HDAC7: variants seen among roughly 807,000 people sequenced by gnomAD.
HDAC7 encodes the protein histone deacetylase 7.
HDAC7 carries 26 observed loss-of-function variants against 115.5 expected under a neutral mutation model. That is an observed-to-expected ratio of 0.23 (90% CI 0.16 to 0.31). HDAC7 has a LOEUF of 0.31. Ranked by LOEUF, HDAC7 falls within the 10% of genes least tolerant of loss-of-function variation. The pLI is 1.00. For synonymous variants in HDAC7, 564 were observed against 550.9 expected, an observed-to-expected ratio of 1.02 and a Z score of -0.33; for missense variants, 1,068 against 1,329.0, an observed-to-expected ratio of 0.80 and a Z score of 3.05.
At position 47,783,691 on chromosome 12, in the gene HDAC7, T is replaced by TG; in HGVS notation, c.*149dup. 2 of 793,838 alleles carry TG rather than the reference T, an allele frequency of 2.5e-6. No individual in the cohort carries two copies. Among genetic ancestry groups the TG allele is most frequent in the East Asian group, 5.4e-5 (2 of 37,220 alleles). The allele number at this position is 793,838 out of a possible 1,614,324, so 49.2% of individuals were successfully genotyped here. On this transcript the variant is annotated 3_prime_UTR_variant, in exon 26 of 26. Transcript: ENST00000080059. ...GACCCAGGGATTTTCTCACGCTCCC[T>TG]GGGATAACTGTCAAAGCAGGCAGGC... is the stretch of plus-strand genomic sequence containing the variant.
chr12:47,786,578 C>T lies in HDAC7; in HGVS notation c.2572+7G>A. 1 of 1,598,916 alleles carries T rather than the reference C, an allele frequency of 6.3e-7. No homozygotes were observed. The highest frequency in any genetic ancestry group is 8.6e-7 in the Non-Finnish European group (1 of 1,166,360). ...CCTAACGTCCCCCTCAGCTGAGGCT[C>T]CCTTACATTTGGCAGAAACATGGTA... On this transcript the variant is annotated splice_region_variant and intron_variant, in intron 22 of 25. Coordinates refer to ENST00000080059, the MANE Select transcript of HDAC7 (RefSeq NM_015401.5).
intron 1 of HDAC7, among the ~76,000 whole-genome samples, chr12:47,802,736 C>G (rs1196469226): frequency 6.6e-6 from 1 of 151,962 alleles, no homozygotes; most frequent in Non-Finnish European, 1.5e-5. Context: ...GAGGAGCAGG[C>G]CTGGAGAGAG....
chr12:47,785,191 C>T (rs780317868), intron 24 of HDAC7, 196 bp downstream of exon 24: 109 of 580,966 alleles, frequency 1.9e-4, no homozygotes, highest in Middle Eastern at 9.1e-4. Flanking sequence ...CTGGCTCCAT[C>T]GGGGGGGCTC....
chr12:47,802,030 G>A (rs745607631), intron 2 of HDAC7, among the ~76,000 whole-genome samples, 194 bp downstream of exon 2: 9 of 152,268 alleles, frequency 5.9e-5, no homozygotes, highest in Admixed American at 1.3e-4. Context: ...TCCTAGCACT[G>A]TGCCCAGCCA....
rs908745686 is a variant in HDAC7 at position 47,791,375 on chromosome 12, G to A, written c.1934-67C>T. The A allele has an allele frequency of 2.6e-5, 39 of 1,472,300 alleles. No homozygotes were observed. In the African/African-American group the frequency reaches 2.8e-4, roughly 11 times the overall value. 91.2% of individuals were successfully genotyped at this position (1,472,300 alleles called of 1,614,324 possible). ...AGCCTTTGGCCCAACAGGGAGCAGG[G>A]AGCCCAGAGAGCAGGGCCGGGTGAG... On this transcript the variant is annotated intron_variant, in intron 15 of 25. Transcript: ENST00000080059.
At chr12:47,821,292 G>C (rs1945016751), upstream of HDAC7, among the ~76,000 whole-genome samples, 1 of 152,172 alleles carries the variant, frequency 6.6e-6, no homozygotes, top group Non-Finnish European at 1.5e-5. Context: ...CCTTCCCTCA[G>C]GCACAGCTCG....
intron 2 of HDAC7, among the ~76,000 whole-genome samples, chr12:47,801,604 G>A (rs1944167640): frequency 1.3e-5 from 2 of 152,206 alleles, no homozygotes; most frequent in Non-Finnish European, 2.9e-5. Context: ...TAGGCATCAG[G>A]CTGTATATCT....
intron 1 of HDAC7, among the ~76,000 whole-genome samples, chr12:47,814,080 G>A (rs1027110505): frequency 1.3e-5 from 2 of 152,204 alleles, no homozygotes; most frequent in African/African-American, 2.4e-5. Context: ...TGTAGAGCCC[G>A]TGTCTTGAAT....
chr12:47,801,381 C>T (rs1049850411), intron 2 of HDAC7, among the ~76,000 whole-genome samples: 1 of 152,250 alleles, frequency 6.6e-6, no homozygotes, highest in Non-Finnish European at 1.5e-5. Context: ...TACCCTGGCA[C>T]AGAGACAGAA....
At chr12:47,789,786 TG>T in intron 17 of HDAC7, 26 bp downstream of exon 17, 1 of 1,560,848 alleles carries the variant, frequency 6.4e-7, no homozygotes, top group South Asian at 1.1e-5. Context: ...CTTTGTGGTG[TG>T]TCCACCTTCA....
rs755857617 is a variant in HDAC7, at chr12:47,803,277, C to T, written c.20-1003G>A. On this transcript the variant is annotated intron_variant, in intron 1 of 25. Coordinates refer to ENST00000080059, the MANE Select transcript of HDAC7 (RefSeq NM_015401.5). The surrounding 1 kb of genome is among the most constrained non-coding windows in gnomAD (Gnocchi z 4.0). ...ACGGGGTACTGGGTGGACACAGAAG[C>T]GCTCTGCTGGCCAGACTTGGGGCAG... is the stretch of plus-strand genomic sequence containing the variant. Among the ~76,000 whole-genome samples, 5 of 152,198 alleles carry T rather than the reference C, an allele frequency of 3.3e-5. No homozygotes were observed. Among genetic ancestry groups the T allele is most frequent in the Non-Finnish European group, 7.3e-5 (5 of 68,038 alleles).
In HDAC7 at chr12:47,791,611, G is replaced by C; in HGVS notation, c.1908C>G (p.Leu636=). Residue 636 remains leucine (L), a synonymous_variant, in exon 15 of 26, where the codon CTC becomes CTG. Transcript: ENST00000080059. The part of the protein sequence containing the change: ...LLYGTNPLSR[L]KLDNGKLAGL... ...CTGCCAGCTTCCCGTTGTCCAGTTT[G>C]AGGCGGCTGAGCGGGTTGGTGCCGT... is the stretch of plus-strand genomic sequence containing the variant. 1 of 1,609,382 alleles carries C rather than the reference G, an allele frequency of 6.2e-7. No individual in the cohort carries two copies. Among genetic ancestry groups the C allele is most frequent in the Non-Finnish European group, 8.5e-7 (1 of 1,177,914 alleles).
chr12:47,806,426 C>T (rs981997671), intron 1 of HDAC7, among the ~76,000 whole-genome samples: 3 of 152,206 alleles, frequency 2.0e-5, no homozygotes, highest in Non-Finnish European at 2.9e-5. Context: ...CCTATAATCC[C>T]AGAACTTTGG....
upstream of HDAC7, among the ~76,000 whole-genome samples, chr12:47,820,300 A>G (rs556639157): frequency 1.0e-3 from 159 of 152,288 alleles, no homozygotes; most frequent in African/African-American, 3.3e-3. This position sits in a 1 kb window ranked among gnomAD's most constrained non-coding sequence, Gnocchi z 4.3. Context: ...GGGCAGAATC[A>G]TTTACACAGC....
intron 24 of HDAC7, 133 bp from the exon 25 acceptor site, chr12:47,784,350 G>T: frequency 1.1e-6 from 1 of 932,082 alleles, no homozygotes; most frequent in Non-Finnish European, 1.6e-6. Context: ...ACTTAGGGTC[G>T]GCTCTCCCAC....
At chr12:47,818,623 A>T (rs1474803375) in intron 1 of HDAC7, among the ~76,000 whole-genome samples, 3 of 152,250 alleles carry the variant, frequency 2.0e-5, no homozygotes, top group African/African-American at 7.2e-5. Context: ...TCCAGGGAAC[A>T]GGCTGAGAAG....
intron 1 of HDAC7, among the ~76,000 whole-genome samples, chr12:47,804,400 G>A (rs369587792): frequency 5.9e-4 from 89 of 152,096 alleles, no homozygotes; most frequent in African/African-American, 1.9e-3. Context: ...CTGGCACCCC[G>A]TCAGTAGCTG....
chr12:47,801,246 G>A lies in HDAC7; in HGVS notation c.70+978C>T, dbSNP rs532489439. Among the ~76,000 whole-genome samples, 5 of 152,316 alleles carry A rather than the reference G, an allele frequency of 3.3e-5. No homozygotes were observed. In the East Asian group the frequency reaches 7.7e-4, roughly 24 times the overall value. On this transcript the variant is annotated intron_variant, in intron 2 of 25. Transcript: ENST00000080059. ...TGTCTGAGTTAAGCTCCATAGGGCA[G>A]GGAGTTGGTTTCATGCTTTGTTTAT...
chr12:47,801,763 G>A (rs1464541994), intron 2 of HDAC7, among the ~76,000 whole-genome samples: 1 of 152,190 alleles, frequency 6.6e-6, no homozygotes, highest in Admixed American at 6.5e-5. Context: ...AGCAGAGGAG[G>A]CTCGGGCCAG....
Sources: allele counts gnomAD v4.1 joint callset (sites outside exome capture counted in the v4.1 genomes callset), GRCh38; gene constraint gnomAD v4.1.1; non-coding constraint Gnocchi (gnomAD v3.1); transcripts MANE v1.5; gene names NCBI Gene and HGNC (gene_info 2026-07-23, HGNC 2026-07-21).